LASP1: variants seen among roughly 807,000 people sequenced by gnomAD.
LASP1 encodes LIM and SH3 domain protein 1.
Under a neutral mutation model 38.6 loss-of-function variants are expected in LASP1, and 10 were observed. That is an observed-to-expected ratio of 0.26 (90% confidence interval 0.16 to 0.44). The LOEUF (loss-of-function observed/expected upper bound fraction) is 0.44. LASP1 is among the 20% of genes least tolerant of loss of function. The pLI is 1.00. For missense variants in LASP1, 243 were observed against 375.7 expected (o/e 0.65, Z 2.92); for synonymous variants, 132 against 140.8 (o/e 0.94, Z 0.44).
At chr17:38,917,402 T>C (rs1382913857) in intron 6 of LASP1, among the ~76,000 whole-genome samples, 1 of 152,190 alleles carries the variant, frequency 6.6e-6, no homozygotes, top group Non-Finnish European at 1.5e-5. Context: ...ATTTTTCTTT[T>C]TTTTTTCCTC....
At chr17:38,887,947 G>A (rs184814475) in intron 2 of LASP1, among the ~76,000 whole-genome samples, 7 of 152,236 alleles carry the variant, frequency 4.6e-5, no homozygotes, top group African/African-American at 7.2e-5. Context: ...TGGGTGGAAC[G>A]TGCCTAGGAA....
intron 5 of LASP1, 181 bp from the exon 6 acceptor site, chr17:38,914,862 G>A (rs1915068445): frequency 3.2e-6 from 2 of 627,484 alleles, no homozygotes; most frequent in Non-Finnish European, 5.7e-6. Context: ...GGGGCTCAGA[G>A]CCCCTGCGTG....
At chr17:38,889,058 G>A (rs1914226289) in intron 2 of LASP1, among the ~76,000 whole-genome samples, 1 of 152,232 alleles carries the variant, frequency 6.6e-6, no homozygotes, top group Admixed American at 6.5e-5. Context: ...AGGTGGCTGT[G>A]AGAATTCGGT....
In LASP1 at chr17:38,918,881, A is replaced by G; in HGVS notation, c.*103A>G. The G allele has an allele frequency of 7.6e-7, 1 of 1,311,924 alleles. No homozygotes were observed. The highest frequency in any genetic ancestry group is 2.5e-5 in the East Asian group (1 of 40,030). 81.3% of individuals were successfully genotyped at this position (1,311,924 alleles called of 1,614,324 possible). A position where few individuals can be genotyped will look rare whatever the true frequency, so the allele number is the denominator to read the frequency against. On this transcript the variant is annotated 3_prime_UTR_variant, in exon 7 of 7. Coordinates refer to ENST00000318008, the MANE Select transcript of LASP1 (RefSeq NM_006148.4). The surrounding 1 kb of genome is among the most constrained non-coding windows in gnomAD (Gnocchi z 4.4). ...GTGTCTCTGTTTTTTAAAACCTGCG[A>G]CAGCTTGTGATTCCTACCCCTCTTC...
chr17:38,881,331 CAGTGG>C (rs542235011), intron 2 of LASP1, among the ~76,000 whole-genome samples: 325 of 152,186 alleles, frequency 2.1e-3, no homozygotes, highest in Non-Finnish European at 4.0e-3. Flanking sequence ...GGCTGGAGTG[CAGTGG>C]AGTGATCATG....
chr17:38,894,310 C>T lies in LASP1; in HGVS notation c.249+3806C>T, dbSNP rs186124234. Among the ~76,000 whole-genome samples, 219 of 152,296 alleles carry T rather than the reference C, an allele frequency of 1.4e-3. 1 individual carries two copies. Among genetic ancestry groups the T allele is most frequent in the African/African-American group, 5.1e-3 (213 of 41,554 alleles). ...TCCATTTTTTCCTTCATCAACTCAC[C>T]TTGATGGGGTCATGGGAAATTACAG... On this transcript the variant is annotated intron_variant, in intron 3 of 6. Coordinates refer to ENST00000318008, the MANE Select transcript of LASP1 (RefSeq NM_006148.4).
At position 38,921,063 on chromosome 17, in the gene LASP1, C is replaced by T. The variant is rs537127696; in HGVS notation, c.*2285C>T. The T allele has an allele frequency of 1.3e-5, 3 of 230,390 alleles. No individual in the cohort carries two copies. The highest frequency in any genetic ancestry group is 1.2e-4 in the East Asian group (2 of 16,182). The allele number at this position is 230,390 out of a possible 1,614,324, so 14.3% of individuals were successfully genotyped here. On this transcript the variant is annotated 3_prime_UTR_variant, in exon 7 of 7. Coordinates refer to ENST00000318008, the MANE Select transcript of LASP1 (RefSeq NM_006148.4). ...CTCTTCCTGTCCTAAAAATAGGGGC[C>T]GTTTTCTTACACACCCCCAGAGAGA...
intron 3 of LASP1, chr17:38,897,131 T>A: frequency 1.1e-6 from 1 of 949,548 alleles, no homozygotes; most frequent in Non-Finnish European, 1.3e-6. Flanking sequence ...ACTTCTGAAC[T>A]AATGGGGAAC....
intron 2 of LASP1, among the ~76,000 whole-genome samples, chr17:38,884,682 T>C (rs924612291): frequency 6.9e-6 from 1 of 144,202 alleles, no homozygotes; most frequent in Non-Finnish European, 1.5e-5. Context: ...AGCCACCACG[T>C]CCGGCTTTTT....
intron 4 of LASP1, chr17:38,903,815 G>A (rs1914708074): frequency 6.6e-6 from 1 of 152,262 alleles, no homozygotes; most frequent in African/African-American, 2.4e-5. Flanking sequence ...AGAATGTGTG[G>A]AAGTGAGGAA....
At chr17:38,883,476 C>G (rs1914010443) in intron 2 of LASP1, among the ~76,000 whole-genome samples, 1 of 152,180 alleles carries the variant, frequency 6.6e-6, no homozygotes, top group Admixed American at 6.5e-5. Context: ...AATTGTCTGC[C>G]TCTAACTGGA....
chr17:38,901,713 A>G (rs1463579880), intron 4 of LASP1, among the ~76,000 whole-genome samples: 1 of 152,158 alleles, frequency 6.6e-6, no homozygotes, highest in Non-Finnish European at 1.5e-5. Context: ...ACCAACCCCT[A>G]AGTCAGAGGG....
chr17:38,908,095 G>A (rs82977), intron 4 of LASP1, among the ~76,000 whole-genome samples: 143,756 of 152,270 alleles, frequency 0.94, 68,281 homozygotes, highest in African/African-American at 0.98. Flanking sequence ...TCACCCCATC[G>A]CTAATGCAGA....
At position 38,905,344 on chromosome 17, in the gene LASP1, C is replaced by A. The variant is rs188764014; in HGVS notation, c.357+6825C>A. The stretch of plus-strand genomic sequence containing the variant: ...GAGATCAAGACCATCCTGGCTAACA[C>A]AGTGAAACCCCGTCTCAACTAAAAA... On this transcript the variant is annotated intron_variant, in intron 4 of 6. Coordinates refer to ENST00000318008, the MANE Select transcript of LASP1 (RefSeq NM_006148.4). Among the ~76,000 whole-genome samples, 399 of 151,976 alleles carry A rather than the reference C, an allele frequency of 2.6e-3. 9 individuals carry two copies. In the South Asian group the frequency reaches 0.037, roughly 14 times the overall value.
In LASP1 at chr17:38,884,473, T is replaced by C. The variant is rs528089558; in HGVS notation, c.165-5947T>C. On this transcript the variant is annotated intron_variant, in intron 2 of 6. Transcript: ENST00000318008. The stretch of plus-strand genomic sequence containing the variant: ...CGCAATCTTGGCTCACTGCAACCTC[T>C]GCCTCCTGGGTTCAAGCGGTTCTCC... Among the ~76,000 whole-genome samples the C allele has an allele frequency of 3.4e-3, 513 of 151,554 alleles. 1 individual carries two copies. The highest frequency in any genetic ancestry group is 6.2e-3 in the Admixed American group (94 of 15,220).
At chr17:38,908,971 G>A (rs191316903) in intron 4 of LASP1, among the ~76,000 whole-genome samples, 2,862 of 152,304 alleles carry the variant, frequency 0.019, 284 homozygotes, top group Admixed American at 0.16. Context: ...GAAACAGCAG[G>A]TTTTGCCTCT....
chr17:38,898,836 T>C (rs560180563), intron 4 of LASP1: 41 of 463,102 alleles, frequency 8.9e-5, no homozygotes, highest in Non-Finnish European at 1.6e-4. Context: ...AGACTGCATG[T>C]CTCATCTTAG....
At chr17:38,913,884 C>A (rs1915029827) in intron 4 of LASP1, among the ~76,000 whole-genome samples, 2 of 152,050 alleles carry the variant, frequency 1.3e-5, no homozygotes, top group Non-Finnish European at 2.9e-5. Flanking sequence ...CGCCTGTAAT[C>A]CCAGCCGCCC....
intron 3 of LASP1, among the ~76,000 whole-genome samples, chr17:38,897,512 TTCTCAGC>T (rs1157332269): frequency 1.3e-5 from 2 of 152,250 alleles, no homozygotes; most frequent in Non-Finnish European, 2.9e-5. Context: ...TCCATGAGTT[TTCTCAGC>T]CTCATTCTGT....
Sources: gnomAD v4.1 joint callset for allele counts (sites outside exome capture counted in the v4.1 genomes callset) on GRCh38, gnomAD v4.1.1 for gene constraint, Gnocchi (gnomAD v3.1) non-coding constraint, MANE v1.5 for transcripts, NCBI Gene and HGNC (gene_info 2026-07-23, HGNC 2026-07-21) for gene names.